CYP39A1: variants seen among roughly 807,000 people sequenced by gnomAD.
CYP39A1 encodes the protein 24-hydroxycholesterol 7-alpha-hydroxylase.
A neutral mutation model predicts 58.1 loss-of-function variants in CYP39A1; 49 were observed. The ratio of observed to expected loss-of-function variants is 0.84; its 90% CI spans 0.67 to 1.07. The LOEUF (loss-of-function observed/expected upper bound fraction) is 1.07. Ranked by LOEUF, CYP39A1 falls within the 50% of genes least tolerant of loss-of-function variation. The pLI is 0.00. For synonymous variants in CYP39A1, 209 were observed against 187.6 expected (o/e 1.11, Z -0.93); for missense variants, 531 against 539.4 (o/e 0.98, Z 0.16).
Position 46,587,170 on chromosome 6 carries a change from G to A in CYP39A1, c.1162-5C>T. 2 of 1,592,174 alleles carry A rather than the reference G, an allele frequency of 1.3e-6. No individual in the cohort carries two copies. The highest frequency in any genetic ancestry group is 2.2e-5 in the South Asian group (2 of 89,126). ...ATTTGCCTTTTTCCAACGTTCCTGT[G>A]GGAAGAAAACATTTTTTTTTCCAAA... On this transcript the variant is annotated splice_polypyrimidine_tract_variant and splice_region_variant and intron_variant, in intron 9 of 11. Coordinates refer to ENST00000275016, the MANE Select transcript of CYP39A1 (RefSeq NM_016593.5).
At chr6:46,606,592 A>C (rs1409049834) in intron 7 of CYP39A1, among the ~76,000 whole-genome samples, 1 of 152,150 alleles carries the variant, frequency 6.6e-6, no homozygotes, top group Non-Finnish European at 1.5e-5. Context: ...CAGACCAATA[A>C]AGAAACTGAG....
At chr6:46,574,627 A>C (rs1316705077) in intron 10 of CYP39A1, among the ~76,000 whole-genome samples, 1 of 152,122 alleles carries the variant, frequency 6.6e-6, no homozygotes. Context: ...TGAGATGAGA[A>C]AGTCCATGGG....
intron 10 of CYP39A1, among the ~76,000 whole-genome samples, chr6:46,561,684 G>A (rs139434912): frequency 1.6e-3 from 250 of 152,188 alleles, no homozygotes; most frequent in African/African-American, 5.8e-3. Flanking sequence ...ATATCTAGGT[G>A]TGGAAACGGG....
chr6:46,602,594 C>T (rs887376041), intron 7 of CYP39A1, among the ~76,000 whole-genome samples: 66 of 150,136 alleles, frequency 4.4e-4, no homozygotes, highest in African/African-American at 1.5e-3. Flanking sequence ...GGGTGGGTCA[C>T]CTGAAGTCAG....
chr6:46,551,467 A>C (rs921455336), intron 11 of CYP39A1, among the ~76,000 whole-genome samples: 4 of 152,064 alleles, frequency 2.6e-5, no homozygotes, highest in African/African-American at 9.7e-5. Flanking sequence ...ACTTTTCCTT[A>C]ATGCTCAAAA....
At chr6:46,563,115 CAAAAAA>C (rs59793245) in intron 10 of CYP39A1, among the ~76,000 whole-genome samples, 1 of 124,606 alleles carries the variant, frequency 8.0e-6, no homozygotes, top group African/African-American at 2.8e-5. Context: ...TTTACAGTGG[CAAAAAA>C]AAAAAAAAAT....
intron 11 of CYP39A1, among the ~76,000 whole-genome samples, chr6:46,553,179 T>G (rs529166906): frequency 1.3e-3 from 197 of 152,098 alleles, no homozygotes; most frequent in Non-Finnish European, 2.4e-3. Flanking sequence ...ATACAGTCTG[T>G]TCTAACAAGC....
At chr6:46,592,294 A>G (rs1772885992) in intron 8 of CYP39A1, among the ~76,000 whole-genome samples, 1 of 152,162 alleles carries the variant, frequency 6.6e-6, no homozygotes, top group African/African-American at 2.4e-5. Flanking sequence ...CAGTTGCCCA[A>G]CAGAGGAGAA....
At chr6:46,575,524 C>A (rs1771803362) in intron 10 of CYP39A1, among the ~76,000 whole-genome samples, 1 of 152,204 alleles carries the variant, frequency 6.6e-6, no homozygotes, top group Non-Finnish European at 1.5e-5. Flanking sequence ...CATTGGAGCA[C>A]TTTTGCATCT....
At chr6:46,553,913 C>T in intron 10 of CYP39A1, 59 bp from the exon 11 acceptor site, 1 of 1,056,224 alleles carries the variant, frequency 9.5e-7, no homozygotes, top group South Asian at 1.4e-5. Context: ...TATCTGCCAA[C>T]AGAGAATATC....
rs532849475 is a variant in CYP39A1 at position 46,649,918 on chromosome 6, G to C, written c.177+2488C>G. 7.9e-5 allele frequency among the ~76,000 whole-genome samples: 12 copies of C among 152,296 alleles called. No individual in the cohort carries two copies. The South Asian group carries it at 2.3e-3, about 29-fold the overall frequency. ...CTTCTAGAGGAGCATGAGAAGCTGA[G>C]AGTGTTAGCTAATGATGGAGTTTTA... On this transcript the variant is annotated intron_variant, in intron 1 of 11. Transcript: ENST00000275016.
At chr6:46,584,477 A>G (rs1164811501) in intron 10 of CYP39A1, among the ~76,000 whole-genome samples, 1 of 152,098 alleles carries the variant, frequency 6.6e-6, no homozygotes, top group Non-Finnish European at 1.5e-5. Context: ...GCTTCTAATC[A>G]TCTTCCAAAT....
intron 1 of CYP39A1, among the ~76,000 whole-genome samples, chr6:46,643,945 C>T (rs551660855): frequency 3.3e-5 from 5 of 152,200 alleles, no homozygotes; most frequent in South Asian, 4.2e-4. Flanking sequence ...GATTATCATG[C>T]GGTTGTAAGA....
At chr6:46,590,087 C>A (rs1772738883) in intron 8 of CYP39A1, among the ~76,000 whole-genome samples, 1 of 151,994 alleles carries the variant, frequency 6.6e-6, no homozygotes, top group Non-Finnish European at 1.5e-5. Context: ...GTCAAGAAAC[C>A]CTCTGAGCAA....
At chr6:46,627,085 G>C (rs1406991882) in intron 6 of CYP39A1, among the ~76,000 whole-genome samples, 2 of 152,108 alleles carry the variant, frequency 1.3e-5, no homozygotes, top group African/African-American at 2.4e-5. Flanking sequence ...GCAGAAGAAG[G>C]GGGTGGGGAA....
chr6:46,584,566 T>C (rs948650385), intron 10 of CYP39A1, among the ~76,000 whole-genome samples: 1 of 152,148 alleles, frequency 6.6e-6, no homozygotes, highest in African/African-American at 2.4e-5. Context: ...TTCACATGAA[T>C]CCACTCTGCC....
At chr6:46,622,091 G>C (rs1051825340) in intron 7 of CYP39A1, among the ~76,000 whole-genome samples, 28 of 152,040 alleles carry the variant, frequency 1.8e-4, no homozygotes, top group Non-Finnish European at 1.9e-4. Flanking sequence ...CATATCATAT[G>C]TTTCCATTTA....
intron 7 of CYP39A1, among the ~76,000 whole-genome samples, chr6:46,607,845 A>G (rs1421104917): frequency 1.3e-5 from 2 of 152,220 alleles, no homozygotes; most frequent in African/African-American, 4.8e-5. Context: ...CTCTTTCATT[A>G]CTTTTGAAAG....
chr6:46,602,855 T>TA (rs1773595468), intron 7 of CYP39A1, among the ~76,000 whole-genome samples: 1 of 139,548 alleles, frequency 7.2e-6, no homozygotes, highest in Non-Finnish European at 1.5e-5. Flanking sequence ...ACTTAGTGGG[T>TA]AAAAATTATG....
Sources: allele counts gnomAD v4.1 joint callset (sites outside exome capture counted in the v4.1 genomes callset), GRCh38; gene constraint gnomAD v4.1.1; transcripts MANE v1.5; gene names NCBI Gene and HGNC (gene_info 2026-07-23, HGNC 2026-07-21).